DNAH12: variants seen among roughly 807,000 people sequenced by gnomAD.
The protein encoded by DNAH12 is dynein axonemal heavy chain 12, also known as axonemal beta dynein heavy chain 12.
DNAH12 carries 285 observed loss-of-function variants against 371.5 expected under a neutral mutation model. The ratio of observed to expected loss-of-function variants is 0.77; its 90% CI spans 0.70 to 0.85. DNAH12 has a LOEUF of 0.85. Among genes scored for constraint, DNAH12 ranks in the 40% least tolerant of loss-of-function variants. DNAH12 has a pLI of 0.00. For missense variants in DNAH12, 3,611 were observed against 3,689.4 expected (o/e 0.98, Z 0.55); for synonymous variants, 1,200 against 1,213.0 (o/e 0.99, Z 0.22).
chr3:57,363,457 T>C (rs2062982955), intron 58 of DNAH12, 137 bp downstream of exon 58: 1 of 152,184 alleles, frequency 6.6e-6, no homozygotes, highest in African/African-American at 2.4e-5. Flanking sequence ...TATGTTTTGG[T>C]ATTTTATCAT....
chr3:57,493,849 G>A (rs947884406), intron 11 of DNAH12: 3 of 150,114 alleles, frequency 2.0e-5, no homozygotes, highest in Non-Finnish European at 4.4e-5. Flanking sequence ...ACTAGGAATA[G>A]AAGATAACAT....
In DNAH12 at chr3:57,507,802, A is replaced by G; in HGVS notation, c.738T>C (p.Thr246=). 5 of 1,591,816 alleles carry G rather than the reference A, an allele frequency of 3.1e-6. No homozygotes were observed. Among genetic ancestry groups the G allele is most frequent in the Non-Finnish European group, 4.3e-6 (5 of 1,175,620 alleles). ...CGTTTCTAGTTTGTATTGATAGATC[A>G]GTTTTCAGTGATTCACAGTCAATTG... ...KGPIDCESLK[T]DLSIQTRNAE... Residue 246 remains threonine, a synonymous_variant, in exon 8 of 74, where the codon ACT becomes ACC. Coordinates refer to ENST00000495027, the MANE Select transcript of DNAH12 (RefSeq NM_001366028.2).
At chr3:57,303,865 A>G (rs919579416) in intron 69 of DNAH12, among the ~76,000 whole-genome samples, 2 of 152,204 alleles carry the variant, frequency 1.3e-5, no homozygotes, top group African/African-American at 2.4e-5. Flanking sequence ...ATACATCCAG[A>G]TGGCCTGAAG....
In DNAH12 at chr3:57,367,815, C is replaced by G. The variant is rs1190344253; in HGVS notation, c.8974+231G>C. ...CAACTTCTTTATGTTCTCTGACAGTCTAGATAACAGTGGTTAAGGCAATGA... is the reference window on the plus strand; with the variant it reads ...CAACTTCTTTATGTTCTCTGACAGTGTAGATAACAGTGGTTAAGGCAATGA... On this transcript the variant is annotated intron_variant, in intron 56 of 73. Transcript: ENST00000495027. 3.3e-5 allele frequency among the ~76,000 whole-genome samples: 5 copies of G among 152,198 alleles called. No individual in the cohort carries two copies. In the East Asian group the frequency reaches 7.7e-4, roughly 23 times the overall value.
chr3:57,309,631 A>G, intron 68 of DNAH12, 35 bp downstream of exon 68: 1 of 1,405,802 alleles, frequency 7.1e-7, no homozygotes, highest in Non-Finnish European at 9.3e-7. Context: ...ATTTTTATTT[A>G]TATTATAAGT....
intron 40 of DNAH12, among the ~76,000 whole-genome samples, chr3:57,407,886 A>T (rs2064086393): frequency 6.6e-6 from 1 of 152,196 alleles, no homozygotes; most frequent in African/African-American, 2.4e-5. Context: ...TAAGACAAGC[A>T]TGCAAAATGG....
intron 69 of DNAH12, among the ~76,000 whole-genome samples, chr3:57,306,148 C>G (rs1432422597): frequency 6.6e-6 from 1 of 152,198 alleles, no homozygotes; most frequent in Non-Finnish European, 1.5e-5. Context: ...CGCTTAGCGG[C>G]TGAAGACTGA....
At chr3:57,388,746 C>G (rs2063547692) in intron 45 of DNAH12, among the ~76,000 whole-genome samples, 1 of 152,052 alleles carries the variant, frequency 6.6e-6, no homozygotes, top group African/African-American at 2.4e-5. Flanking sequence ...GAGTTCATGT[C>G]CTTTGTAGGG....
chr3:57,510,600 A>G (rs2067953904), intron 5 of DNAH12, among the ~76,000 whole-genome samples, 190 bp downstream of exon 5: 2 of 152,182 alleles, frequency 1.3e-5, no homozygotes, highest in African/African-American at 4.8e-5. Flanking sequence ...AAATAGCACC[A>G]CTGCACTCCA....
chr3:57,428,793 A>C lies in DNAH12; in HGVS notation c.5093T>G (p.Ile1698Ser), dbSNP rs2064863264. 1 of 1,544,078 alleles carries C rather than the reference A, an allele frequency of 6.5e-7. No homozygotes were observed. Among genetic ancestry groups the C allele is most frequent in the East Asian group, 2.4e-5 (1 of 40,846 alleles). Reference sequence around the variant, plus strand: ...TCCTAACTGTGAAGGCTCCAAATAAATCATACCACAACGACTTACAGTGGC... The same window carrying C: ...TCCTAACTGTGAAGGCTCCAAATAACTCATACCACAACGACTTACAGTGGC... ...SPATVSRCGM[I>S]YLEPSQLGWE... Residue 1698 changes from isoleucine (I) to serine (S), a missense_variant, in exon 34 of 74, where the codon ATT becomes AGT. Physicochemically the swap from Ile to Ser is moderately radical, Grantham distance 142. This residue lies in a region of DNAH12 where 2,266 missense variants were observed against 2,236.9 expected (regional missense o/e 1.01). Coordinates refer to ENST00000495027, the MANE Select transcript of DNAH12 (RefSeq NM_001366028.2).
At chr3:57,504,294 T>C in intron 8 of DNAH12, 90 bp from the exon 9 acceptor site, 2 of 1,170,746 alleles carry the variant, frequency 1.7e-6, no homozygotes, top group Non-Finnish European at 2.3e-6. Context: ...CTATATCTGA[T>C]TATAATTGTC....
chr3:57,469,252 T>C (rs999884513), intron 16 of DNAH12, among the ~76,000 whole-genome samples: 13 of 152,248 alleles, frequency 8.5e-5, no homozygotes, highest in Middle Eastern at 3.4e-3. Context: ...ATTAGAGAAA[T>C]GCAAATCAAA....
At position 57,433,683 on chromosome 3, in the gene DNAH12, C is replaced by G. The variant is rs2065022351; in HGVS notation, c.4801G>C (p.Gly1601Arg). Residue 1601 changes from glycine to arginine, a missense_variant, in exon 31 of 74, where the codon GGC becomes CGC. Coordinates refer to ENST00000495027, the MANE Select transcript of DNAH12 (RefSeq NM_001366028.2). ...GGGTCAAACTGTCCAAAAAGTTGGC[C>G]CATAGTAATAGATTTGGGGTTTACA... is the stretch of plus-strand genomic sequence containing the variant. Reference protein sequence around the residue: ...RTVNPKSITMGQLFGQFDPVS... With the variant: ...RTVNPKSITMRQLFGQFDPVS... 3 of 1,550,524 alleles carry G rather than the reference C, an allele frequency of 1.9e-6. No individual in the cohort carries two copies. Among genetic ancestry groups the G allele is most frequent in the Admixed American group, 2.0e-5 (1 of 50,902 alleles).
At chr3:57,294,349 G>A (rs980159347) in intron 73 of DNAH12, among the ~76,000 whole-genome samples, 1 of 152,066 alleles carries the variant, frequency 6.6e-6, no homozygotes, top group African/African-American at 2.4e-5. Context: ...GCTAATTTTT[G>A]TATTTTTAGT....
intron 58 of DNAH12, among the ~76,000 whole-genome samples, chr3:57,361,793 T>C (rs1268279144): frequency 3.3e-5 from 5 of 152,052 alleles, no homozygotes; most frequent in Non-Finnish European, 7.4e-5. Context: ...ATAATACCTA[T>C]CTGATACTTC....
chr3:57,371,941 C>CAAAA (rs1169602185), intron 55 of DNAH12, among the ~76,000 whole-genome samples: 10 of 25,854 alleles, frequency 3.9e-4, no homozygotes, highest in South Asian at 1.6e-3. Flanking sequence ...CTAAACTCAG[C>CAAAA]AAAAAAAAAA....
At chr3:57,517,570 GA>G (rs920874991) in intron 4 of DNAH12, among the ~76,000 whole-genome samples, 9 of 151,294 alleles carry the variant, frequency 5.9e-5, no homozygotes, top group African/African-American at 1.9e-4. Context: ...TTTTGTTGCA[GA>G]AAAAAAGAAA....
Position 57,345,996 on chromosome 3 carries a change from T to C in DNAH12, c.9674+6089A>G, listed in dbSNP as rs142056483. Among the ~76,000 whole-genome samples, 6 of 152,232 alleles carry C rather than the reference T, an allele frequency of 3.9e-5. No homozygotes were observed. The East Asian group carries it at 1.2e-3, about 29-fold the overall frequency. ...AGTGGACTGCTGCAGTTGAAACCCATGTTGTTCAAGGGTCAATTGTATATA... is the reference window on the plus strand; with the variant it reads ...AGTGGACTGCTGCAGTTGAAACCCACGTTGTTCAAGGGTCAATTGTATATA... On this transcript the variant is annotated intron_variant, in intron 60 of 73. Transcript: ENST00000495027.
chr3:57,324,172 G>C (rs2061876981), intron 62 of DNAH12, among the ~76,000 whole-genome samples: 1 of 152,176 alleles, frequency 6.6e-6, no homozygotes, highest in East Asian at 1.9e-4. Context: ...GAGTTTCTGG[G>C]TGATCTCAGG....
Sources: gnomAD v4.1 joint callset for allele counts (sites outside exome capture counted in the v4.1 genomes callset) on GRCh38, gnomAD v4.1.1 for gene constraint, gnomAD v4.1.1 regional missense constraint, MANE v1.5 for transcripts, NCBI Gene and HGNC (gene_info 2026-07-23, HGNC 2026-07-21) for gene names.